The following HDAC8 variants were observed in gnomAD, a reference collection of about 807,000 sequenced individuals.
HDAC8 encodes histone deacetylase-like 1.
Under a neutral mutation model 32.2 loss-of-function variants are expected in HDAC8, and 1 was observed. The observed-to-expected ratio is 0.03, with a 90% CI of 0.01 to 0.15. The LOEUF (loss-of-function observed/expected upper bound fraction) is 0.15. Ranked by LOEUF, HDAC8 falls within the 10% of genes least tolerant of loss-of-function variation. The probability of loss-of-function intolerance (pLI) is 1.00; values close to 1 mark genes in which losing one functional copy is unlikely to be tolerated. For synonymous variants in HDAC8, 108 were observed against 113.9 expected (o/e 0.95, Z 0.33); for missense variants, 117 against 300.0 (o/e 0.39, Z 4.51).
intron 9 of HDAC8, among the ~76,000 whole-genome samples, chrX:72,447,228 A>C (rs782683368): frequency 2.0e-4 from 22 of 112,207 alleles, no homozygotes; most frequent in South Asian, 1.5e-3. Flanking sequence ...CACATCAAAA[A>C]GCTTATCCAC....
intron 4 of HDAC8, among the ~76,000 whole-genome samples, chrX:72,541,720 GT>G (rs1556043228): frequency 9.0e-6 from 1 of 111,395 alleles, no homozygotes; most frequent in Non-Finnish European, 1.9e-5. Flanking sequence ...AGTTGACAGG[GT>G]TTTTTTACAG....
chrX:72,517,219 A>AT (rs1273434777), intron 4 of HDAC8, among the ~76,000 whole-genome samples: 7 of 110,227 alleles, frequency 6.4e-5, no homozygotes, highest in East Asian at 2.9e-4. Flanking sequence ...GGCCATTTAT[A>AT]TTTTTTTTTG....
chrX:72,447,326 A>G (rs1484604098), intron 9 of HDAC8, among the ~76,000 whole-genome samples: 1 of 112,289 alleles, frequency 8.9e-6, no homozygotes, highest in Non-Finnish European at 1.9e-5. Context: ...AACAGAACCA[A>G]CGACAAAAAC....
intron 9 of HDAC8, among the ~76,000 whole-genome samples, chrX:72,392,090 C>G (rs2045626454): frequency 8.9e-6 from 1 of 112,020 alleles, no homozygotes. Flanking sequence ...ATAGTATGTG[C>G]TTAATAAAGG....
chrX:72,394,910 G>A (rs1339011147), intron 9 of HDAC8, among the ~76,000 whole-genome samples: 1 of 111,281 alleles, frequency 9.0e-6, no homozygotes, highest in Non-Finnish European at 1.9e-5. Flanking sequence ...GGAAACAGGG[G>A]CAAATTATGT....
chrX:72,439,101 C>A (rs782115946), intron 9 of HDAC8, among the ~76,000 whole-genome samples: 247 of 112,085 alleles, frequency 2.2e-3, no homozygotes, highest in Non-Finnish European at 3.5e-3. Flanking sequence ...GCCCATCAGA[C>A]TAACAGCAGA....
intron 9 of HDAC8, among the ~76,000 whole-genome samples, chrX:72,453,464 T>TAAAGAAAGAAAG (rs61443640): frequency 0.11 from 7,144 of 67,135 alleles, 512 homozygotes; most frequent in African/African-American, 0.12. Flanking sequence ...CTCTTAAAAA[T>TAAAGAAAGAAAG]AAAGAAAGAA....
At chrX:72,409,853 G>C (rs782311268) in intron 9 of HDAC8, among the ~76,000 whole-genome samples, 4 of 112,517 alleles carry the variant, frequency 3.6e-5, no homozygotes, top group Non-Finnish European at 7.5e-5. Flanking sequence ...CTCCTTGAGG[G>C]CAGAGACCTT....
In HDAC8 at chrX:72,550,530, A is replaced by T. The variant is rs72630050; in HGVS notation, c.437+17359T>A. On this transcript the variant is annotated intron_variant, in intron 4 of 10. Coordinates refer to ENST00000373573, the MANE Select transcript of HDAC8 (RefSeq NM_018486.3). ...CCTAGTACATACAAACACACACACAAACACATACATACATGCACACACACA... is the reference window on the plus strand; with the variant it reads ...CCTAGTACATACAAACACACACACATACACATACATACATGCACACACACA... Among the ~76,000 whole-genome samples the T allele has an allele frequency of 0.065, 7,049 of 109,172 alleles. 802 individuals carry two copies. The East Asian group carries it at 0.68, about 10-fold the overall frequency. The allele number at this position is 109,172 out of a possible 115,157, so 94.8% of individuals were successfully genotyped here. A position where few individuals can be genotyped will look rare whatever the true frequency, so the allele number is the denominator to read the frequency against.
chrX:72,547,107 CA>C (rs1556057540), intron 4 of HDAC8, among the ~76,000 whole-genome samples: 2 of 111,092 alleles, frequency 1.8e-5, no homozygotes, highest in African/African-American at 6.6e-5. Context: ...AGTTCCTACT[CA>C]CTCCTCAATG....
intron 9 of HDAC8, among the ~76,000 whole-genome samples, chrX:72,444,215 CCA>C (rs2047290020): frequency 2.1e-5 from 2 of 94,312 alleles, no homozygotes; most frequent in Admixed American, 2.4e-4. Flanking sequence ...ATACCAAAGC[CCA>C]GCAGAGACAC....
chrX:72,426,413 GTTAGATACA>G (rs2046640024), intron 9 of HDAC8, among the ~76,000 whole-genome samples: 1 of 111,777 alleles, frequency 8.9e-6, no homozygotes, highest in Non-Finnish European at 1.9e-5. Context: ...AGCATCTGGG[GTTAGATACA>G]TTGGATAGTA....
Position 72,567,540 on chromosome X carries a change from AG to A in HDAC8, c.437+348del, listed in dbSNP as rs2051843367. The A allele has an allele frequency of 2.8e-5, 12 of 430,635 alleles. No homozygotes were observed. The South Asian group carries it at 4.3e-4, about 15-fold the overall frequency. 35.5% of individuals were successfully genotyped at this position (430,635 alleles called of 1,213,427 possible). A position where few individuals can be genotyped will look rare whatever the true frequency, so the allele number is the denominator to read the frequency against. The stretch of plus-strand genomic sequence containing the variant: ...TCTAGACTGTAAGTCCCTCGAAGAC[AG>A]GGGAATTTCTAGAAAGCCGAAAAGG... On this transcript the variant is annotated intron_variant, in intron 4 of 10. Coordinates refer to ENST00000373573, the MANE Select transcript of HDAC8 (RefSeq NM_018486.3).
chrX:72,495,142 A>G lies in HDAC8; in HGVS notation c.550+14T>C. 1.7e-6 allele frequency: 2 copies of G among 1,152,110 alleles called. No homozygotes were observed. Among genetic ancestry groups the G allele is most frequent in the South Asian group, 3.7e-5 (2 of 53,602 alleles). The allele number at this position is 1,152,110 out of a possible 1,213,427, so 94.9% of individuals were successfully genotyped here. A position where few individuals can be genotyped will look rare whatever the true frequency, so the allele number is the denominator to read the frequency against. ...GTCCTCGCAGCAAAGCATCTTTAAA[A>G]CCAAAGGGCTTACCATCTCCATGGT... is the stretch of plus-strand genomic sequence containing the variant. On this transcript the variant is annotated intron_variant, in intron 5 of 10. Transcript: ENST00000373573.
chrX:72,421,436 GGGAA>G (rs1555973564), intron 9 of HDAC8, among the ~76,000 whole-genome samples: 2 of 111,066 alleles, frequency 1.8e-5, no homozygotes, highest in Non-Finnish European at 3.8e-5. Context: ...CCACGTGTTG[GGGAA>G]AAAAGTGAGA....
chrX:72,496,728 A>G (rs927896769), intron 4 of HDAC8, among the ~76,000 whole-genome samples: 8 of 108,970 alleles, frequency 7.3e-5, no homozygotes, highest in African/African-American at 2.0e-4. Flanking sequence ...TACAAGACAT[A>G]CTTCCTTTCC....
intron 4 of HDAC8, among the ~76,000 whole-genome samples, chrX:72,553,672 T>C (rs888381884): frequency 8.9e-6 from 1 of 111,755 alleles, no homozygotes; most frequent in African/African-American, 3.3e-5. Flanking sequence ...CCAAAATCCA[T>C]GCACACTCAA....
intron 9 of HDAC8, among the ~76,000 whole-genome samples, chrX:72,432,289 A>G (rs1179726415): frequency 3.6e-5 from 4 of 110,813 alleles, no homozygotes; most frequent in African/African-American, 1.3e-4. Flanking sequence ...TAGTTTTAAA[A>G]CACACATCAC....
intron 7 of HDAC8, chrX:72,466,695 A>G (rs2048026232): frequency 1.8e-5 from 2 of 112,412 alleles, no homozygotes; most frequent in African/African-American, 6.5e-5. Context: ...CATATGACCT[A>G]GTAATTGTAC....
Sources: gnomAD v4.1 joint callset for allele counts (sites outside exome capture counted in the v4.1 genomes callset) on GRCh38, gnomAD v4.1.1 for gene constraint, MANE v1.5 for transcripts, NCBI Gene and HGNC (gene_info 2026-07-23, HGNC 2026-07-21) for gene names.